NECAB2: variants seen among roughly 807,000 people sequenced by gnomAD.
NECAB2 encodes the protein N-terminal EF-hand calcium binding protein 2, also known as N-terminal EF-hand calcium-binding protein 2.
In NECAB2, 68 loss-of-function variants were observed where a neutral mutation model predicts 51.9. The observed-to-expected ratio is 1.31, with a 90% confidence interval of 1.08 to 1.60. The LOEUF (loss-of-function observed/expected upper bound fraction) is 1.60. Ranked by LOEUF, NECAB2 falls within the 40% of genes most tolerant of loss-of-function variation. The probability of loss-of-function intolerance (pLI) is 0.00; values close to 1 mark genes in which losing one functional copy is unlikely to be tolerated. For synonymous variants in NECAB2, 329 were observed against 203.5 expected (o/e 1.62, Z -5.25); for missense variants, 854 against 490.3 (o/e 1.74, Z -7.00).
chr16:83,975,455 C>T (rs1203752888), intron 2 of NECAB2, among the ~76,000 whole-genome samples: 1 of 152,100 alleles, frequency 6.6e-6, no homozygotes, highest in Non-Finnish European at 1.5e-5. Flanking sequence ...CTCACGTGTC[C>T]ACAGGAAGGA....
intron 2 of NECAB2, 91 bp downstream of exon 2, chr16:83,972,266 C>T (rs2084358123): frequency 6.3e-7 from 1 of 1,583,382 alleles, no homozygotes; most frequent in Admixed American, 1.7e-5. Context: ...CAAGCGCAAC[C>T]TTGAACCTAA....
At chr16:83,989,434 C>G (rs1158181779) in intron 5 of NECAB2, among the ~76,000 whole-genome samples, 2 of 152,170 alleles carry the variant, frequency 1.3e-5, no homozygotes. Flanking sequence ...TCCCATTGTG[C>G]AATTATTGCT....
intron 6 of NECAB2, chr16:83,993,620 C>CTGTGTGTGTGTGTGTGTG (rs57610964): frequency 7.4e-6 from 1 of 135,338 alleles, no homozygotes; most frequent in African/African-American, 2.7e-5. Context: ...GCAAGGTGAG[C>CTGTGTGTGTGTGTGTGTG]TGTGTGTGTG....
chr16:83,999,218 C>A (rs1272513832), intron 10 of NECAB2, among the ~76,000 whole-genome samples: 1 of 152,106 alleles, frequency 6.6e-6, no homozygotes, highest in African/African-American at 2.4e-5. Flanking sequence ...GCGGCCGTTC[C>A]CGAGACTCGG....
rs376943166 is a variant in NECAB2, at chr16:83,978,527, C to G, written c.310C>G (p.His104Asp). Residue 104 changes from histidine (H) to aspartate (D), a missense_variant, in exon 3 of 13, where the codon CAC (histidine) becomes GAC (aspartate). By Grantham distance (81) the His-to-Asp change is moderately conservative. Coordinates refer to ENST00000305202, the MANE Select transcript of NECAB2 (RefSeq NM_019065.3). The part of the protein sequence containing the change: ...LNEKELEDLF[H>D]TIDSDNTNHV... ...TGAGAAAGAACTGGAGGATCTCTTT[C>G]ACACGATTGACTCTGACAACACCAA... The G allele has an allele frequency of 5.1e-5, 82 of 1,613,638 alleles. No individual in the cohort carries two copies. The highest frequency in any genetic ancestry group is 6.5e-5 in the Non-Finnish European group (77 of 1,179,876).
chr16:84,001,876 A>G lies in NECAB2; in HGVS notation c.1092A>G (p.Thr364=), dbSNP rs1286488142. 12 of 1,613,996 alleles carry G rather than the reference A, an allele frequency of 7.4e-6. No individual in the cohort carries two copies. Among genetic ancestry groups the G allele is most frequent in the East Asian group, 4.5e-5 (2 of 44,896 alleles). The change falls in exon 12 of 13, where the codon ACA becomes ACG. Residue 364 remains threonine, a synonymous_variant. Coordinates refer to ENST00000305202, the MANE Select transcript of NECAB2 (RefSeq NM_019065.3). ...CGTTCCGGCACGTCAAGGTGGACAC[A>G]CTGAGCCAGCCTGAGGCCCTCTCCA... ...CKAFRHVKVD[T]LSQPEALSRI...
At chr16:83,992,354 CT>C (rs2084636250) in intron 6 of NECAB2, among the ~76,000 whole-genome samples, 1 of 148,916 alleles carries the variant, frequency 6.7e-6, no homozygotes, top group Non-Finnish European at 1.5e-5. Flanking sequence ...GCAGTCCCAT[CT>C]CCCGGGGAAC....
At chr16:83,987,748 C>T (rs1020617447) in intron 5 of NECAB2, among the ~76,000 whole-genome samples, 1 of 151,940 alleles carries the variant, frequency 6.6e-6, no homozygotes, top group Non-Finnish European at 1.5e-5. Flanking sequence ...TAGTTAATAC[C>T]TTGTGGCAAA....
At chr16:83,984,758 G>A (rs921555019) in intron 5 of NECAB2, among the ~76,000 whole-genome samples, 1 of 152,244 alleles carries the variant, frequency 6.6e-6, no homozygotes. Context: ...ATGTGCTGCT[G>A]TAGCTCACAT....
At chr16:83,965,908 G>A, upstream of NECAB2, 2 of 1,612,818 alleles carry the variant, frequency 1.2e-6, no homozygotes, top group Non-Finnish European at 1.7e-6. Context: ...TGTACGCCAT[G>A]GGGCCGCTGG....
chr16:83,984,032 G>C (rs1326472028), intron 5 of NECAB2, among the ~76,000 whole-genome samples: 1 of 132,254 alleles, frequency 7.6e-6, no homozygotes, highest in East Asian at 2.3e-4. Context: ...GTCTCGCTCT[G>C]TCATCCAGGC....
intron 2 of NECAB2, among the ~76,000 whole-genome samples, chr16:83,974,424 A>T (rs2084382637): frequency 6.6e-6 from 1 of 152,146 alleles, no homozygotes; most frequent in African/African-American, 2.4e-5. Context: ...GCTCTGCCTC[A>T]AATGCCTCGG....
At position 84,002,382 on chromosome 16, in the gene NECAB2, C is replaced by A. The variant is rs575378695; in HGVS notation, c.*36C>A. 3 of 1,606,968 alleles carry A rather than the reference C, an allele frequency of 1.9e-6. No homozygotes were observed. The East Asian group carries it at 6.7e-5, about 36-fold the overall frequency. On this transcript the variant is annotated 3_prime_UTR_variant, in exon 13 of 13. Coordinates refer to ENST00000305202, the MANE Select transcript of NECAB2 (RefSeq NM_019065.3). Reference sequence around the variant, plus strand: ...GAGGCCCGTGGAGGAGCCCACCAGCCCCTTCTTCTTGTGAAGGAAATCCCG... The same window carrying A: ...GAGGCCCGTGGAGGAGCCCACCAGCACCTTCTTCTTGTGAAGGAAATCCCG...
chr16:83,997,916 C>G (rs768380674), intron 9 of NECAB2, among the ~76,000 whole-genome samples: 6 of 152,154 alleles, frequency 3.9e-5, no homozygotes, highest in African/African-American at 1.2e-4. Flanking sequence ...TGTGCTGTGT[C>G]TCCAGGCCCT....
At chr16:83,997,687 G>C (rs1489775058) in intron 9 of NECAB2, among the ~76,000 whole-genome samples, 1 of 151,728 alleles carries the variant, frequency 6.6e-6, no homozygotes, top group South Asian at 2.1e-4. Flanking sequence ...GACGGACAGG[G>C]TTTCACCATG....
intron 3 of NECAB2, among the ~76,000 whole-genome samples, chr16:83,979,833 C>T (rs548641003): frequency 6.6e-6 from 1 of 152,246 alleles, no homozygotes; most frequent in African/African-American, 2.4e-5. Flanking sequence ...CCCAACATTA[C>T]CTAAGGTGTG....
chr16:83,971,962 G>C, intron 1 of NECAB2, 189 bp from the exon 2 acceptor site: 1 of 723,522 alleles, frequency 1.4e-6, no homozygotes, highest in Non-Finnish European at 2.2e-6. Context: ...GAGGGCCTCT[G>C]TCTGCAACAT....
intron 3 of NECAB2, among the ~76,000 whole-genome samples, chr16:83,980,296 C>A (rs1301905292): frequency 6.6e-6 from 1 of 152,210 alleles, no homozygotes; most frequent in Non-Finnish European, 1.5e-5. Flanking sequence ...GTCTGTGCTC[C>A]TTCACTGCCA....
In NECAB2 at chr16:84,002,299, C is replaced by T. The variant is rs760253356; in HGVS notation, c.1133-19C>T. 43 of 1,613,804 alleles carry T rather than the reference C, an allele frequency of 2.7e-5. No individual in the cohort carries two copies. Among genetic ancestry groups the T allele is most frequent in the South Asian group, 6.6e-5 (6 of 91,074 alleles). The stretch of plus-strand genomic sequence containing the variant: ...CCACATTCGCACTCCTTCCCTCTAA[C>T]GTGTCTCTCTCCTTTTAGCTGCTTG... On this transcript the variant is annotated intron_variant, in intron 12 of 12. Transcript: ENST00000305202.
Sources: gnomAD v4.1 joint callset for allele counts (sites outside exome capture counted in the v4.1 genomes callset) on GRCh38, gnomAD v4.1.1 for gene constraint, MANE v1.5 for transcripts, NCBI Gene and HGNC (gene_info 2026-07-23, HGNC 2026-07-21) for gene names.